NLRP10: variants seen among roughly 807,000 people sequenced by gnomAD.
NLRP10 encodes NACHT, LRR and PYD domains-containing protein 10.
NLRP10 carries 7 observed loss-of-function variants against 8.2 expected under a neutral mutation model. The ratio of observed to expected loss-of-function variants is 0.85; its 90% confidence interval spans 0.48 to 1.60. The LOEUF (loss-of-function observed/expected upper bound fraction) is 1.60. Ranked by LOEUF, NLRP10 falls within the 40% of genes most tolerant of loss-of-function variation. The pLI is 0.00. For missense variants in NLRP10, 814 were observed against 776.3 expected, an observed-to-expected ratio of 1.05 and a Z score of -0.58; for synonymous variants, 338 against 314.0, an observed-to-expected ratio of 1.08 and a Z score of -0.81.
chr11:7,960,409 G>A lies in NLRP10; in HGVS notation c.1203C>T (p.Cys401=). 1 of 1,614,018 alleles carries A rather than the reference G, an allele frequency of 6.2e-7. No homozygotes were observed. Among genetic ancestry groups the A allele is most frequent in the Non-Finnish European group, 8.5e-7 (1 of 1,180,026 alleles). ...GGACCCTGTGCCGGGAAAGCTCGGA[G>A]CAGCCCCCATCATCATCGGGCGGCA... ...TFLPPDDDGG[C]SELSRHRVLR... Residue 401 remains cysteine (C), a synonymous_variant, in exon 3 of 3, where the codon TGC becomes TGT. Coordinates refer to ENST00000691676, the MANE Select transcript of NLRP10 (RefSeq NM_001391958.1).
chr11:7,962,231 C>CTTTT lies in NLRP10; in HGVS notation c.290-913_290-910dup, dbSNP rs71452435. Among the ~76,000 whole-genome samples the CTTTT allele has an allele frequency of 2.2e-3, 149 of 66,976 alleles. 16 individuals carry two copies. Among genetic ancestry groups the CTTTT allele is most frequent in the East Asian group, 7.3e-3 (13 of 1,770 alleles). The allele number at this position is 66,976 out of a possible 152,430, so 43.9% of individuals were successfully genotyped here. ...CCAAAGGGACTAAGATAAGCCTGTT[C>CTTTT]TTTTTTTTTTTTTTTTTTTTTTGAG... On this transcript the variant is annotated intron_variant, in intron 2 of 2. Transcript: ENST00000691676.
rs769907759 is a variant in NLRP10 at position 7,958,961 on chromosome 11, A to G, written c.*683T>C. ...ATTCTCTTAACAGTGTCTTTCACAG[A>G]GCATAAGTTTTTAATTTTCATGAAG... On this transcript the variant is annotated 3_prime_UTR_variant, in exon 3 of 3. Transcript: ENST00000691676. 3.3e-5 allele frequency among the ~76,000 whole-genome samples: 5 copies of G among 152,022 alleles called. No homozygotes were observed. Among genetic ancestry groups the G allele is most frequent in the Non-Finnish European group, 5.9e-5 (4 of 68,014 alleles).
rs1941768953 is a variant in NLRP10, at chr11:7,963,514, T to C, written c.-19A>G. Reference sequence around the variant, plus strand: ...TGGCCATGGTGATCTGGGGGAAGGATCAAGTCCAGACCAGAAGACCAGTGA... The same window carrying C: ...TGGCCATGGTGATCTGGGGGAAGGACCAAGTCCAGACCAGAAGACCAGTGA... On this transcript the variant is annotated 5_prime_UTR_variant, in exon 2 of 3. Transcript: ENST00000691676. 2 of 1,599,978 alleles carry C rather than the reference T, an allele frequency of 1.3e-6. No individual in the cohort carries two copies. The highest frequency in any genetic ancestry group is 1.7e-6 in the Non-Finnish European group (2 of 1,172,624).
Position 7,963,215 on chromosome 11 carries a change from C to T in NLRP10, c.281G>A (p.Cys94Tyr). ...CCCCGCTCCACACTCACCATGCAGA[C>T]AAATATGGCTGAGCTGGTCCACAAG... ...LELVDQLSHI[C>Y]LHDYREVYRE... Residue 94 changes from cysteine (C) to tyrosine (Y), a missense_variant, in exon 2 of 3, where the codon TGT (cysteine) becomes TAT (tyrosine). Cys to Tyr is a radical substitution (Grantham distance 194). Transcript: ENST00000691676. 1 of 1,613,970 alleles carries T rather than the reference C, an allele frequency of 6.2e-7. No homozygotes were observed. The highest frequency in any genetic ancestry group is 8.5e-7 in the Non-Finnish European group (1 of 1,179,884).
chr11:7,962,062 T>G (rs988490792), intron 2 of NLRP10, among the ~76,000 whole-genome samples: 8 of 152,208 alleles, frequency 5.3e-5, no homozygotes, highest in Admixed American at 5.2e-4. Context: ...TGACCTTGCC[T>G]TCTTCCATAA....
chr11:7,959,125 T>C lies in NLRP10; in HGVS notation c.*519A>G, dbSNP rs10839951. Among the ~76,000 whole-genome samples the C allele has an allele frequency of 0.87, 132,767 of 152,198 alleles. 58,199 individuals carry two copies. The highest frequency in any genetic ancestry group is 0.93 in the Admixed American group (14,260 of 15,304). On this transcript the variant is annotated 3_prime_UTR_variant, in exon 3 of 3. Coordinates refer to ENST00000691676, the MANE Select transcript of NLRP10 (RefSeq NM_001391958.1). Reference sequence around the variant, plus strand: ...AGTACTTTTGTATTTTACATCTAGATTCATTTTTTTACATGTGGATGTCCA... The same window carrying C: ...AGTACTTTTGTATTTTACATCTAGACTCATTTTTTTACATGTGGATGTCCA...
At position 7,963,481 on chromosome 11, in the gene NLRP10, C is replaced by T; in HGVS notation, c.15G>A (p.Lys5=). The T allele has an allele frequency of 6.2e-7, 1 of 1,612,226 alleles. No individual in the cohort carries two copies. The change falls in exon 2 of 3, where the codon AAG becomes AAA. Residue 5 remains lysine (K), a synonymous_variant. Coordinates refer to ENST00000691676, the MANE Select transcript of NLRP10 (RefSeq NM_001391958.1). ...GCAATGCCTCCCGGGGCTTTCTGGC[C>T]TTGGCCATGGCCATGGTGATCTGGG... The part of the protein sequence containing the change: MAMA[K]ARKPREALLW...
chr11:7,962,094 G>A (rs80081793), intron 2 of NLRP10, among the ~76,000 whole-genome samples: 1,802 of 152,068 alleles, frequency 0.012, 34 homozygotes, highest in African/African-American at 0.041. Context: ...CTGAGGCCTC[G>A]CCAGAAGTCA....
chr11:7,964,211 T>G (rs962252934), intron 1 of NLRP10, among the ~76,000 whole-genome samples: 2 of 152,210 alleles, frequency 1.3e-5, no homozygotes, highest in African/African-American at 4.8e-5. Flanking sequence ...CATGAGCTAC[T>G]GTGCCCGGCC....
chr11:7,959,490 C>A lies in NLRP10; in HGVS notation c.*154G>T. 1.9e-6 allele frequency: 1 copy of A among 531,662 alleles called. No individual in the cohort carries two copies. The allele number at this position is 531,662 out of a possible 1,614,324, so 32.9% of individuals were successfully genotyped here. On this transcript the variant is annotated 3_prime_UTR_variant, in exon 3 of 3. Coordinates refer to ENST00000691676, the MANE Select transcript of NLRP10 (RefSeq NM_001391958.1). ...CTTGATTGGGATTGCATTGAATCTA[C>A]AGATCAAACTGGGGAAAACTAACAT...
chr11:7,959,792 C>A lies in NLRP10; in HGVS notation c.1820G>T (p.Ser607Ile). 6.2e-7 allele frequency: 1 copy of A among 1,614,008 alleles called. No homozygotes were observed. The highest frequency in any genetic ancestry group is 8.5e-7 in the Non-Finnish European group (1 of 1,179,928). Residue 607 changes from serine (S) to isoleucine (I), a missense_variant, in exon 3 of 3, where the codon AGC becomes ATC. Ser to Ile is a moderately radical substitution (Grantham distance 142). Coordinates refer to ENST00000691676, the MANE Select transcript of NLRP10 (RefSeq NM_001391958.1). Reference sequence around the variant, plus strand: ...CTCCTCCTTAGGTCCATGACTCAAGCTGCTTTTGACAGAAAATAAATTCTG... The same window carrying A: ...CTCCTCCTTAGGTCCATGACTCAAGATGCTTTTGACAGAAAATAAATTCTG... ...QSQNLFSVKS[S>I]LSHGPKEEQK...
At position 7,961,323 on chromosome 11, in the gene NLRP10, C is replaced by G. The variant is rs374859423; in HGVS notation, c.290-1G>C. On this transcript the variant is annotated splice_acceptor_variant, in intron 2 of 2. Transcript: ENST00000691676. LOFTEE classifies it high-confidence loss of function. ...TGCTCTCGGTATACTTCTCTGTAAT[C>G]TGAGCCAAACAAATGGGATGTTAGG... The G allele has an allele frequency of 7.2e-6, 11 of 1,537,768 alleles. No homozygotes were observed. The highest frequency in any genetic ancestry group is 9.7e-6 in the Non-Finnish European group (11 of 1,139,814).
intron 1 of NLRP10, among the ~76,000 whole-genome samples, chr11:7,964,109 A>G (rs1446035035): frequency 2.6e-5 from 4 of 151,932 alleles, no homozygotes; most frequent in Non-Finnish European, 4.4e-5. Flanking sequence ...TTTAGTAGAG[A>G]TGGGGTTTCA....
At position 7,960,653 on chromosome 11, in the gene NLRP10, C is replaced by G. The variant is rs757399336; in HGVS notation, c.959G>C (p.Arg320Thr). The G allele has an allele frequency of 6.2e-7, 1 of 1,614,202 alleles. No homozygotes were observed. Among genetic ancestry groups the G allele is most frequent in the Non-Finnish European group, 8.5e-7 (1 of 1,180,048 alleles). ...GAAATAGGAGCTGAAGTACCTCGCC[C>G]TCTCCTCCTCAGAGAAGCCTAGGAT... ...VHILGFSEEE[R>T]ARYFSSYFTD... The change falls in exon 3 of 3, where the codon AGG (arginine) becomes ACG (threonine). Residue 320 changes from arginine (R) to threonine (T), a missense_variant. Coordinates refer to ENST00000691676, the MANE Select transcript of NLRP10 (RefSeq NM_001391958.1).
At position 7,963,392 on chromosome 11, in the gene NLRP10, A is replaced by G. The variant is rs992709039; in HGVS notation, c.104T>C (p.Met35Thr). Residue 35 changes from methionine (M) to threonine (T), a missense_variant, in exon 2 of 3, where the codon ATG (methionine) becomes ACG (threonine). Physicochemically the swap from Met to Thr is moderately conservative, Grantham distance 81. Coordinates refer to ENST00000691676, the MANE Select transcript of NLRP10 (RefSeq NM_001391958.1). ...TGGGGGCTGGCCCTCAGACAGGGTC[A>G]TATCCCGTAAGTAGAACTTTAACTT... Reference protein sequence around the residue: ...FKKLKFYLRDMTLSEGQPPLA... With the variant: ...FKKLKFYLRDTTLSEGQPPLA... 3.1e-6 allele frequency: 5 copies of G among 1,614,198 alleles called. No homozygotes were observed. The highest frequency in any genetic ancestry group is 2.7e-5 in the African/African-American group (2 of 75,060).
At chr11:7,963,668 A>G in intron 1 of NLRP10, 128 bp from the exon 2 acceptor site, 1 of 599,208 alleles carries the variant, frequency 1.7e-6, no homozygotes, top group Non-Finnish European at 2.9e-6. Flanking sequence ...AAGAAAGACA[A>G]GCAGATGAAA....
In NLRP10 at chr11:7,965,374, G is replaced by A. The variant is rs1331202970; in HGVS notation, c.-174C>T. 3 of 152,146 alleles carry A rather than the reference G, an allele frequency of 2.0e-5. No homozygotes were observed. The highest frequency in any genetic ancestry group is 6.5e-5 in the Admixed American group (1 of 15,270). 9.4% of individuals were successfully genotyped at this position (152,146 alleles called of 1,614,324 possible). A position where few individuals can be genotyped will look rare whatever the true frequency, so the allele number is the denominator to read the frequency against. On this transcript the variant is annotated 5_prime_UTR_variant, in exon 1 of 3. Coordinates refer to ENST00000691676, the MANE Select transcript of NLRP10 (RefSeq NM_001391958.1). Reference sequence around the variant, plus strand: ...CTTTCCTGGTCCGACAGCTCTACAGGTCCAAGTTTGGGCTCTCTTAGCCCA... The same window carrying A: ...CTTTCCTGGTCCGACAGCTCTACAGATCCAAGTTTGGGCTCTCTTAGCCCA...
intron 2 of NLRP10, 61 bp from the exon 3 acceptor site, chr11:7,961,383 C>A: frequency 1.9e-6 from 2 of 1,066,940 alleles, no homozygotes; most frequent in African/African-American, 1.6e-5. Flanking sequence ...CAAAATGGCC[C>A]CTCCAAACTG....
chr11:7,963,753 G>A, intron 1 of NLRP10: 1 of 545,940 alleles, frequency 1.8e-6, no homozygotes. Flanking sequence ...CAAATGGGTA[G>A]GAAGGTATGT....
Sources: gnomAD v4.1 joint callset for allele counts (sites outside exome capture counted in the v4.1 genomes callset) on GRCh38, gnomAD v4.1.1 for gene constraint, MANE v1.5 for transcripts, NCBI Gene and HGNC (gene_info 2026-07-23, HGNC 2026-07-21) for gene names.